The following RARB variants were observed in gnomAD, a reference collection of about 807,000 sequenced individuals.
RARB encodes HBV-activated protein.
RARB carries 17 observed loss-of-function variants against 51.9 expected under a neutral mutation model. That is an observed-to-expected ratio of 0.33 (90% CI 0.22 to 0.49). RARB has a LOEUF of 0.49. Ranked by LOEUF, RARB falls within the 20% of genes least tolerant of loss-of-function variation. The pLI is 0.99. For missense variants in RARB, 369 were observed against 550.8 expected (o/e 0.67, Z 3.30); for synonymous variants, 215 against 195.4 (o/e 1.10, Z -0.84).
intron 2 of RARB, among the ~76,000 whole-genome samples, chr3:24,904,440 T>C (rs1480481507): frequency 6.6e-6 from 1 of 152,028 alleles, no homozygotes; most frequent in East Asian, 1.9e-4. Flanking sequence ...ATTAGAGAAA[T>C]GCAAATCAAA....
chr3:25,205,125 C>T (rs1431110026), intron 5 of RARB, among the ~76,000 whole-genome samples: 1 of 152,160 alleles, frequency 6.6e-6, no homozygotes, highest in Non-Finnish European at 1.5e-5. Context: ...TCAGCAATGG[C>T]GGGTGCCCCT....
intron 4 of RARB, among the ~76,000 whole-genome samples, chr3:25,576,505 C>T (rs1330037786): frequency 6.6e-6 from 1 of 152,186 alleles, no homozygotes; most frequent in Non-Finnish European, 1.5e-5. Context: ...CTCTGAACCC[C>T]AGGAGTGAAG....
At chr3:25,531,020 A>G (rs1261753861) in intron 3 of RARB, among the ~76,000 whole-genome samples, 1 of 152,244 alleles carries the variant, frequency 6.6e-6, no homozygotes, top group Non-Finnish European at 1.5e-5. Context: ...TTTGTTTTAC[A>G]TAATTGCCGG....
intron 2 of RARB, among the ~76,000 whole-genome samples, chr3:25,053,494 A>G (rs1698378595): frequency 6.6e-6 from 1 of 152,186 alleles, no homozygotes; most frequent in Admixed American, 6.6e-5. Flanking sequence ...TTCCTAAAAC[A>G]CAAATGCAAA....
intron 2 of RARB, among the ~76,000 whole-genome samples, chr3:24,867,657 C>A (rs1382881430): frequency 6.6e-6 from 1 of 152,086 alleles, no homozygotes; most frequent in Non-Finnish European, 1.5e-5. Context: ...CCTTTCCTGG[C>A]AGAAGTGGGG....
intron 3 of RARB, among the ~76,000 whole-genome samples, chr3:25,547,283 G>A (rs1433556658): frequency 6.6e-6 from 1 of 152,178 alleles, no homozygotes; most frequent in Non-Finnish European, 1.5e-5. Flanking sequence ...GGTAGAGAAA[G>A]AGGCCAGGAG....
chr3:25,196,375 C>T (rs61865111), intron 5 of RARB, among the ~76,000 whole-genome samples: 8 of 152,230 alleles, frequency 5.3e-5, no homozygotes, highest in African/African-American at 1.9e-4. Context: ...CCAGCTTCAT[C>T]CATGTCCCTA....
chr3:25,560,322 C>T (rs1700221779), intron 3 of RARB, among the ~76,000 whole-genome samples: 2 of 152,160 alleles, frequency 1.3e-5, no homozygotes, highest in Admixed American at 1.3e-4. Flanking sequence ...GACCATTTCT[C>T]TAATGATTTG....
At chr3:24,975,685 C>G (rs1696495491) in intron 2 of RARB, among the ~76,000 whole-genome samples, 1 of 152,136 alleles carries the variant, frequency 6.6e-6, no homozygotes, top group South Asian at 2.1e-4. Flanking sequence ...GTAAGTTAAA[C>G]TCAGCTTCTT....
At chr3:24,835,275 G>A (rs1702330056) in intron 1 of RARB, among the ~76,000 whole-genome samples, 1 of 152,172 alleles carries the variant, frequency 6.6e-6, no homozygotes, top group African/African-American at 2.4e-5. Flanking sequence ...AAAGAGAACT[G>A]ATGAAATGTG....
chr3:25,238,739 T>G (rs1559518441), intron 5 of RARB, among the ~76,000 whole-genome samples: 1 of 152,120 alleles, frequency 6.6e-6, no homozygotes, highest in African/African-American at 2.4e-5. Context: ...TCCCAGTACT[T>G]TGGGAGGCCG....
intron 4 of RARB, among the ~76,000 whole-genome samples, chr3:25,169,164 C>T (rs1019038789): frequency 1.3e-5 from 2 of 152,114 alleles, no homozygotes; most frequent in African/African-American, 4.8e-5. Context: ...AAAAAATTTA[C>T]CTCCCACATA....
chr3:25,032,879 A>T (rs1463349724), intron 2 of RARB, among the ~76,000 whole-genome samples: 3 of 152,236 alleles, frequency 2.0e-5, no homozygotes, highest in Non-Finnish European at 1.5e-5. Flanking sequence ...TTTATAAAAA[A>T]ATAGTTCAAT....
At chr3:25,017,514 A>G (rs1316903959) in intron 2 of RARB, among the ~76,000 whole-genome samples, 4 of 152,172 alleles carry the variant, frequency 2.6e-5, no homozygotes, top group Non-Finnish European at 4.4e-5. Flanking sequence ...CATTTTTAAT[A>G]TATGTTCTAA....
Position 25,428,514 on chromosome 3 carries a change from G to A in RARB, c.-218G>A, listed in dbSNP as rs551627161. On this transcript the variant is annotated 5_prime_UTR_variant, in exon 1 of 8. Transcript: ENST00000330688. ...ACCCCCCGCCCCGGCTGGATTGGCC[G>A]AGCAAGCCTGGAAAATGGTAAATGA... The A allele has an allele frequency of 2.7e-5, 34 of 1,266,624 alleles. No homozygotes were observed. The highest frequency in any genetic ancestry group is 9.2e-5 in the African/African-American group (6 of 65,376). 78.5% of individuals were successfully genotyped at this position (1,266,624 alleles called of 1,614,324 possible). A position where few individuals can be genotyped will look rare whatever the true frequency, so the allele number is the denominator to read the frequency against.
intron 4 of RARB, among the ~76,000 whole-genome samples, chr3:25,138,021 A>G (rs1374236099): frequency 1.3e-5 from 2 of 152,154 alleles, no homozygotes; most frequent in Non-Finnish European, 2.9e-5. Context: ...CAGGAAAGGC[A>G]TGGTCAGGCA....
At chr3:25,445,320 C>T (rs1474407067) in intron 1 of RARB, among the ~76,000 whole-genome samples, 4 of 152,118 alleles carry the variant, frequency 2.6e-5, no homozygotes, top group Non-Finnish European at 4.4e-5. Flanking sequence ...ACCACGTTGC[C>T]GTAAACTGGG....
intron 5 of RARB, among the ~76,000 whole-genome samples, chr3:25,271,217 C>T (rs1197818975): frequency 6.6e-6 from 1 of 152,084 alleles, no homozygotes; most frequent in Non-Finnish European, 1.5e-5. Context: ...TCAAGAAATA[C>T]TGTCAGGTAT....
intron 1 of RARB, among the ~76,000 whole-genome samples, chr3:24,850,516 A>G (rs1297739717): frequency 6.6e-6 from 1 of 152,242 alleles, no homozygotes; most frequent in Non-Finnish European, 1.5e-5. Flanking sequence ...TCTTCCTCTA[A>G]GGGATAACAG....
Sources: allele counts gnomAD v4.1 joint callset (sites outside exome capture counted in the v4.1 genomes callset), GRCh38; gene constraint gnomAD v4.1.1; transcripts MANE v1.5; gene names NCBI Gene and HGNC (gene_info 2026-07-23, HGNC 2026-07-21).